Variants in FLCN observed in about 807,000 individuals in gnomAD.
FLCN encodes the protein folliculin.
Under a neutral mutation model 62.5 loss-of-function variants are expected in FLCN, and 22 were observed. That is an observed-to-expected ratio of 0.35 (90% CI 0.25 to 0.50). The LOEUF (loss-of-function observed/expected upper bound fraction) is 0.50, where lower values mean the gene tolerates loss of function less well. Among genes scored for constraint, FLCN ranks in the 20% least tolerant of loss-of-function variants. FLCN has a pLI of 0.97. For missense variants in FLCN, 657 were observed against 778.0 expected (o/e 0.84, Z 1.85); for synonymous variants, 319 against 310.0 (o/e 1.03, Z -0.30).
At chr17:17,234,743 C>T (rs1028800816) in intron 1 of FLCN, among the ~76,000 whole-genome samples, 14 of 150,822 alleles carry the variant, frequency 9.3e-5, no homozygotes, top group East Asian at 2.0e-4. Flanking sequence ...TTTGGGAGGC[C>T]GAGGCAGGCG....
Position 17,215,279 on chromosome 17 carries a change from A to C in FLCN, c.1338T>G (p.Arg446=). 1 of 1,614,102 alleles carries C rather than the reference A, an allele frequency of 6.2e-7. No homozygotes were observed. Among genetic ancestry groups the C allele is most frequent in the Non-Finnish European group, 8.5e-7 (1 of 1,180,014 alleles). Residue 446 remains arginine, a synonymous_variant, in exon 12 of 14, where the codon CGT becomes CGG. Transcript: ENST00000285071. ...CACACCCCACAGGGTGGAGGGTGGA[A>C]CGTGCGGCTGCGTGGACCTCCACGA... ...AVIVEVHAAA[R]STLHPVGCED...
At chr17:17,221,399 G>T in intron 8 of FLCN, 138 bp downstream of exon 8, 1 of 1,613,512 alleles carries the variant, frequency 6.2e-7, no homozygotes, top group African/African-American at 1.3e-5. Context: ...ATCGGAGGGT[G>T]AGCTTCCCGA....
At chr17:17,217,855 A>G (rs1458754598) in intron 9 of FLCN, among the ~76,000 whole-genome samples, 1 of 152,190 alleles carries the variant, frequency 6.6e-6, no homozygotes, top group Non-Finnish European at 1.5e-5. Flanking sequence ...TTGAAACACA[A>G]CATAAGAGAG....
Position 17,219,146 on chromosome 17 carries a change from AC to A in FLCN, c.934del (p.Val312CysfsTer11). ...SEAEEEEKAP[V>X]LPESTEGREL... ...CCGCCCTTCTGTACTCTCTGGCAACACAGGGGCTTTCTCCTCCTCTTCAGCC... is the reference window on the plus strand; with the variant it reads ...CCGCCCTTCTGTACTCTCTGGCAACAAGGGGCTTTCTCCTCCTCTTCAGCC... On this transcript the variant is annotated frameshift_variant, in exon 9 of 14. Transcript: ENST00000285071. LOFTEE classifies it high-confidence loss of function. The A allele has an allele frequency of 6.2e-7, 1 of 1,614,216 alleles. No homozygotes were observed. Among genetic ancestry groups the A allele is most frequent in the South Asian group, 1.1e-5 (1 of 91,080 alleles).
chr17:17,215,131 C>A (rs372389667), intron 12 of FLCN, 41 bp from the exon 13 acceptor site: 1 of 1,613,454 alleles, frequency 6.2e-7, no homozygotes, highest in Non-Finnish European at 8.5e-7. Flanking sequence ...CAGGCGTTAG[C>A]GCGGGGCGGG....
intron 11 of FLCN, among the ~76,000 whole-genome samples, chr17:17,215,681 T>G (rs1444165961): frequency 5.9e-5 from 9 of 152,142 alleles, no homozygotes; most frequent in African/African-American, 2.2e-4. Flanking sequence ...TGGTAAGAAT[T>G]TGAAGTCTGT....
rs113938514 is a variant in FLCN at position 17,222,554 on chromosome 17, T to A, written c.726A>T (p.Thr242=). 0.023 allele frequency: 36,493 copies of A among 1,614,218 alleles called. 531 individuals are homozygous for A. The highest frequency in any genetic ancestry group is 0.055 in the African/African-American group (4,155 of 75,050). The change falls in exon 7 of 14, where the codon ACA becomes ACT. Residue 242 remains threonine, a synonymous_variant. Coordinates refer to ENST00000285071, the MANE Select transcript of FLCN (RefSeq NM_144997.7). The part of the protein sequence containing the change: ...QRNGNAARSL[T]SLTSDDNLWA... ...ACAGGTTGTCATCACTTGTCAGCGA[T>A]GTCAGCGAGCGGGCGGCGTTGCCGT...
chr17:17,231,977 C>T (rs2047436538), intron 2 of FLCN, 95 bp from the exon 3 acceptor site: 1 of 153,116 alleles, frequency 6.5e-6, no homozygotes, highest in Non-Finnish European at 1.5e-5. Flanking sequence ...GAGGGAGACC[C>T]TGGGTGTGGC....
At chr17:17,233,951 G>A (rs1047470969) in intron 1 of FLCN, among the ~76,000 whole-genome samples, 3 of 151,598 alleles carry the variant, frequency 2.0e-5, no homozygotes, top group African/African-American at 2.4e-5. Flanking sequence ...TCGAACTCCC[G>A]ACCTCAGGTG....
chr17:17,221,145 C>A, intron 8 of FLCN: 1 of 1,418,670 alleles, frequency 7.0e-7, no homozygotes, highest in South Asian at 1.4e-5. Flanking sequence ...GGAACCACTG[C>A]CCTTCATGGA....
chr17:17,214,847 C>G, intron 13 of FLCN, 138 bp downstream of exon 13: 1 of 875,092 alleles, frequency 1.1e-6, no homozygotes, highest in Non-Finnish European at 1.9e-6. Context: ...CAGTGGCGGA[C>G]GTGGAGTTGG....
At chr17:17,218,873 G>T in intron 9 of FLCN, 146 bp downstream of exon 9, 1 of 830,974 alleles carries the variant, frequency 1.2e-6, no homozygotes, top group Non-Finnish European at 1.9e-6. Context: ...AACGCCCTGT[G>T]CCCTCAGCCA....
rs587778365 is a variant in FLCN, at chr17:17,227,936, T to C, written c.202A>G (p.Ser68Gly). Residue 68 changes from serine (S) to glycine (G), a missense_variant, in exon 4 of 14, where the codon AGC (serine) becomes GGC (glycine). Coordinates refer to ENST00000285071, the MANE Select transcript of FLCN (RefSeq NM_144997.7). The stretch of plus-strand genomic sequence containing the variant: ...GGCCCCGGGCTGCTGGACTCGACGC[T>C]GGCCCCCTCTGCGGGGCTGTGCGCA... Reference protein sequence around the residue: ...MRAHSPAEGASVESSSPGPKK... With the variant: ...MRAHSPAEGAGVESSSPGPKK... 6.2e-7 allele frequency: 1 copy of C among 1,614,132 alleles called. No individual in the cohort carries two copies. Among genetic ancestry groups the C allele is most frequent in the South Asian group, 1.1e-5 (1 of 91,084 alleles).
At chr17:17,213,947 C>A in intron 13 of FLCN, 91 bp from the exon 14 acceptor site, 1 of 1,386,548 alleles carries the variant, frequency 7.2e-7, no homozygotes, top group Non-Finnish European at 1.0e-6. Context: ...ACGGCTTTGG[C>A]ACCAGCAGGA....
intron 7 of FLCN, among the ~76,000 whole-genome samples, chr17:17,221,932 A>G (rs2047102957): frequency 6.6e-6 from 1 of 152,088 alleles, no homozygotes; most frequent in South Asian, 2.1e-4. Flanking sequence ...TAAACTGCAC[A>G]AGGGCTTGCA....
chr17:17,215,011 G>A lies in FLCN; in HGVS notation c.1512C>T (p.Leu504=), dbSNP rs757471403. ...NLSVDVVDQC[L]VCLKEEWMNK... is the part of the protein sequence containing the mutation. ...TCATCCACTCCTCCTTGAGGCAGAC[G>A]AGGCACTGGTCCACCACATCCACAG... The change falls in exon 13 of 14, where the codon CTC becomes CTT. Residue 504 remains leucine (L), a synonymous_variant. Coordinates refer to ENST00000285071, the MANE Select transcript of FLCN (RefSeq NM_144997.7). The A allele has an allele frequency of 1.2e-5, 20 of 1,614,030 alleles. No homozygotes were observed. The highest frequency in any genetic ancestry group is 3.3e-5 in the South Asian group (3 of 91,088).
In FLCN at chr17:17,213,523, C is replaced by G; in HGVS notation, c.*132G>C. On this transcript the variant is annotated 3_prime_UTR_variant, in exon 14 of 14. Coordinates refer to ENST00000285071, the MANE Select transcript of FLCN (RefSeq NM_144997.7). ...AAACCTGACAGGGCCGAGCCCAGCC[C>G]TGATGGTTTCCCTTCCTTGCTGGGA... 7.8e-7 allele frequency: 1 copy of G among 1,279,172 alleles called. No homozygotes were observed. Among genetic ancestry groups the G allele is most frequent in the Non-Finnish European group, 1.1e-6 (1 of 895,450 alleles). 79.2% of individuals were successfully genotyped at this position (1,279,172 alleles called of 1,614,324 possible).
In FLCN at chr17:17,219,131, G is replaced by T; in HGVS notation, c.950C>A (p.Thr317Lys). Reference sequence around the variant, plus strand: ...GCCCTGGGTCAGCTCCCGCCCTTCTGTACTCTCTGGCAACACAGGGGCTTT... The same window carrying T: ...GCCCTGGGTCAGCTCCCGCCCTTCTTTACTCTCTGGCAACACAGGGGCTTT... Reference protein sequence around the residue: ...EEKAPVLPESTEGRELTQGPA... With the variant: ...EEKAPVLPESKEGRELTQGPA... The change falls in exon 9 of 14, where the codon ACA becomes AAA. Residue 317 changes from threonine to lysine, a missense_variant. By Grantham distance (78) the Thr-to-Lys change is moderately conservative (BLOSUM62 -1). Transcript: ENST00000285071. The T allele has an allele frequency of 6.2e-7, 1 of 1,614,206 alleles. No individual in the cohort carries two copies.
intron 7 of FLCN, 148 bp downstream of exon 7, chr17:17,222,353 C>G (rs2047117326): frequency 8.9e-7 from 1 of 1,123,998 alleles, no homozygotes; most frequent in African/African-American, 1.5e-5. Flanking sequence ...TCTGTGCTCA[C>G]TGACAAGTGC....
Sources: allele counts gnomAD v4.1 joint callset (sites outside exome capture counted in the v4.1 genomes callset), GRCh38; gene constraint gnomAD v4.1.1; transcripts MANE v1.5; gene names NCBI Gene and HGNC (gene_info 2026-07-23, HGNC 2026-07-21).